Variants in ENTREP2 observed in about 807,000 individuals in gnomAD.
ENTREP2 encodes protein ENTREP2.
the ENTREP2 span, among the ~76,000 whole-genome samples, chr15:29,242,597 C>T: frequency 6.6e-6 from 1 of 152,176 alleles, no homozygotes; most frequent in Non-Finnish European, 1.5e-5. Flanking sequence ...AGGGGCTCTT[C>T]AGACAGGAAC....
At chr15:29,137,191 G>C in the ENTREP2 span, 6 of 1,477,464 alleles carry the variant, frequency 4.1e-6, no homozygotes, top group African/African-American at 4.4e-5. Flanking sequence ...CTCTGCGGAA[G>C]GAACTGGAAA....
the ENTREP2 span, among the ~76,000 whole-genome samples, chr15:29,248,227 A>G: frequency 4.6e-5 from 7 of 152,128 alleles, no homozygotes; most frequent in Non-Finnish European, 7.3e-5. Context: ...AAAATACTAA[A>G]GAGTTAACTA....
chr15:29,144,250 C>T, the ENTREP2 span, among the ~76,000 whole-genome samples: 1 of 152,144 alleles, frequency 6.6e-6, no homozygotes, highest in Admixed American at 6.5e-5. Flanking sequence ...ATAATACATA[C>T]ATACTGAACC....
chr15:29,297,076 G>A, the ENTREP2 span, among the ~76,000 whole-genome samples: 1 of 152,060 alleles, frequency 6.6e-6, no homozygotes, highest in Non-Finnish European at 1.5e-5. Flanking sequence ...AAAGCACCAA[G>A]CTAATCCACA....
chr15:29,604,210 C>G, the ENTREP2 span, among the ~76,000 whole-genome samples: 146 of 152,280 alleles, frequency 9.6e-4, no homozygotes, highest in Non-Finnish European at 1.1e-3. Context: ...TACTTAGTAA[C>G]CAAGGCAATG....
the ENTREP2 span, among the ~76,000 whole-genome samples, chr15:29,350,093 ACTAG>A: frequency 1.3e-5 from 2 of 152,246 alleles, no homozygotes; most frequent in Middle Eastern, 3.4e-3. Context: ...TCCTGTTTCT[ACTAG>A]CTATTTCTTT....
chr15:29,572,239 A>T, the ENTREP2 span, among the ~76,000 whole-genome samples: 25 of 152,202 alleles, frequency 1.6e-4, no homozygotes, highest in Non-Finnish European at 2.9e-5. Flanking sequence ...AGAGTGACTG[A>T]TCTCAAAATG....
the ENTREP2 span, among the ~76,000 whole-genome samples, chr15:29,395,222 C>A: frequency 6.6e-6 from 1 of 151,776 alleles, no homozygotes; most frequent in African/African-American, 2.4e-5. Context: ...GTATTCTGTA[C>A]GTATAGACCT....
At chr15:29,592,630 G>C in the ENTREP2 span, among the ~76,000 whole-genome samples, 2 of 152,242 alleles carry the variant, frequency 1.3e-5, no homozygotes, top group African/African-American at 4.8e-5. Context: ...ATGCTTCTTG[G>C]GGGTGCTATA....
the ENTREP2 span, among the ~76,000 whole-genome samples, chr15:29,162,431 A>G: frequency 0.81 from 122,859 of 152,032 alleles, 50,257 homozygotes; most frequent in Non-Finnish European, 0.87. Context: ...AGCCTGTCTC[A>G]CCCACTGCCC....
chr15:29,182,972 CA>C, the ENTREP2 span, among the ~76,000 whole-genome samples: 2 of 152,014 alleles, frequency 1.3e-5, no homozygotes, highest in African/African-American at 4.8e-5. Flanking sequence ...AATTAAACCC[CA>C]GGGGGATTAC....
the ENTREP2 span, among the ~76,000 whole-genome samples, chr15:29,126,012 A>G: frequency 1.8e-4 from 27 of 152,174 alleles, no homozygotes; most frequent in African/African-American, 6.5e-4. Flanking sequence ...ACTTATAGCT[A>G]ATGTCCTGGA....
At chr15:29,477,854 T>C in the ENTREP2 span, among the ~76,000 whole-genome samples, 1 of 151,794 alleles carries the variant, frequency 6.6e-6, no homozygotes, top group African/African-American at 2.4e-5. Context: ...TGGCCCTCAC[T>C]GGTCAATCAC....
the ENTREP2 span, among the ~76,000 whole-genome samples, chr15:29,623,590 GAAC>G: frequency 6.6e-6 from 1 of 152,176 alleles, no homozygotes; most frequent in Admixed American, 6.5e-5. Flanking sequence ...AACGCCATCA[GAAC>G]AATACAGAAC....
the ENTREP2 span, among the ~76,000 whole-genome samples, chr15:29,231,880 C>CTT: frequency 1.2e-4 from 12 of 99,050 alleles, no homozygotes; most frequent in Non-Finnish European, 2.4e-4. Flanking sequence ...AATAAGTTTT[C>CTT]TTTTCTTTTC....
the ENTREP2 span, among the ~76,000 whole-genome samples, chr15:29,573,492 A>G: frequency 6.6e-6 from 1 of 152,196 alleles, no homozygotes; most frequent in Admixed American, 6.5e-5. Flanking sequence ...AGAAAGTAGA[A>G]ATGAGGAACA....
At chr15:29,449,707 T>C in the ENTREP2 span, among the ~76,000 whole-genome samples, 1,761 of 152,336 alleles carry the variant, frequency 0.012, 16 homozygotes, top group Non-Finnish European at 0.019. Context: ...CAGAACAATG[T>C]GGCAGCTTAA....
the ENTREP2 span, among the ~76,000 whole-genome samples, chr15:29,211,661 G>A: frequency 6.6e-6 from 1 of 152,128 alleles, no homozygotes; most frequent in Non-Finnish European, 1.5e-5. Context: ...TTTGTATCCC[G>A]ATTTTGCCGA....
the ENTREP2 span, among the ~76,000 whole-genome samples, chr15:29,274,490 C>T: frequency 1.3e-5 from 2 of 152,052 alleles, no homozygotes; most frequent in African/African-American, 4.8e-5. Flanking sequence ...CATTAGAAAC[C>T]TGTACGATAC....
Sources: gnomAD v4.1 joint callset for allele counts (sites outside exome capture counted in the v4.1 genomes callset) on GRCh38, gnomAD v4.1.1 for gene constraint, MANE v1.5 for transcripts, NCBI Gene and HGNC (gene_info 2026-07-23, HGNC 2026-07-21) for gene names.